Variants in RORB observed in about 807,000 individuals in gnomAD.
RORB encodes the protein RAR related orphan receptor B, also known as nuclear receptor ROR-beta.
A neutral mutation model predicts 59.1 loss-of-function variants in RORB; 6 were observed. The ratio of observed to expected loss-of-function variants is 0.10; its 90% CI spans 0.06 to 0.20. RORB has a LOEUF of 0.20. Ranked by LOEUF, RORB falls within the 10% of genes least tolerant of loss-of-function variation. The pLI is 1.00. For missense variants in RORB, 320 were observed against 560.5 expected (o/e 0.57, Z 4.33); for synonymous variants, 215 against 204.5 (o/e 1.05, Z -0.44).
chr9:74,539,741 G>A (rs1234470707), intron 1 of RORB, among the ~76,000 whole-genome samples: 1 of 152,058 alleles, frequency 6.6e-6, no homozygotes, highest in African/African-American at 2.4e-5. Context: ...AGGGGCCAGT[G>A]AGATGGGGCC....
intron 1 of RORB, among the ~76,000 whole-genome samples, chr9:74,622,967 C>T (rs1197992409): frequency 6.6e-6 from 1 of 152,180 alleles, no homozygotes; most frequent in Admixed American, 6.5e-5. Context: ...GAGAGGAATG[C>T]CATAAATATC....
intron 1 of RORB, among the ~76,000 whole-genome samples, chr9:74,547,632 G>C (rs538669045): frequency 6.6e-6 from 1 of 152,132 alleles, no homozygotes; most frequent in African/African-American, 2.4e-5. Flanking sequence ...AGCACCCCAA[G>C]CAAGAGGAAT....
intron 4 of RORB, among the ~76,000 whole-genome samples, chr9:74,646,618 G>C (rs1014464707): frequency 4.0e-5 from 6 of 151,430 alleles, no homozygotes; most frequent in African/African-American, 1.5e-4. Context: ...TCATTGTACA[G>C]ATAAAGAAAT....
intron 1 of RORB, among the ~76,000 whole-genome samples, chr9:74,554,372 C>G (rs980584657): frequency 6.6e-6 from 1 of 152,124 alleles, no homozygotes; most frequent in Non-Finnish European, 1.5e-5. Context: ...TCTGTGCCCT[C>G]CTATCCTACA....
intron 1 of RORB, among the ~76,000 whole-genome samples, chr9:74,628,646 A>G (rs1414477889): frequency 6.6e-6 from 1 of 152,242 alleles, no homozygotes; most frequent in Non-Finnish European, 1.5e-5. Context: ...AAAAGAGGGC[A>G]ATGTCTTGCA....
At chr9:74,544,384 G>T (rs1826457902) in intron 1 of RORB, among the ~76,000 whole-genome samples, 1 of 152,140 alleles carries the variant, frequency 6.6e-6, no homozygotes, top group Admixed American at 6.5e-5. Flanking sequence ...TACTGTAAAT[G>T]GTTAAAGCCA....
intron 3 of RORB, among the ~76,000 whole-genome samples, chr9:74,637,722 T>G (rs1823730248): frequency 6.6e-6 from 1 of 152,176 alleles, no homozygotes; most frequent in South Asian, 2.1e-4. Flanking sequence ...GAAGTTGCCC[T>G]AAAAGGACAG....
In RORB at chr9:74,627,985, T is replaced by C. The variant is rs142280027; in HGVS notation, c.8-2297T>C. On this transcript the variant is annotated intron_variant, in intron 1 of 9. Transcript: ENST00000376896. ...AATGAAGACTAACATTTCCTAGCTC[T>C]TCAGCATTTTACAAGGTGCTTCTAC... Among the ~76,000 whole-genome samples, 24 of 152,280 alleles carry C rather than the reference T, an allele frequency of 1.6e-4. No individual in the cohort carries two copies. The East Asian group carries it at 4.6e-3, about 29-fold the overall frequency.
intron 1 of RORB, among the ~76,000 whole-genome samples, chr9:74,502,208 T>C (rs1370412411): frequency 1.3e-5 from 2 of 152,128 alleles, no homozygotes; most frequent in African/African-American, 4.8e-5. Context: ...TTCCAAGCCA[T>C]GAAACCTAAT....
intron 1 of RORB, among the ~76,000 whole-genome samples, chr9:74,584,063 A>G (rs1013561606): frequency 6.6e-6 from 1 of 152,246 alleles, no homozygotes; most frequent in Non-Finnish European, 1.5e-5. Context: ...CTTGACAGCC[A>G]TAAACACTTT....
rs142280388 is a variant in RORB, at chr9:74,654,086, G to T, written c.638-6531G>T. 2.2e-3 allele frequency among the ~76,000 whole-genome samples: 340 copies of T among 152,190 alleles called. 1 individual carries two copies. Among genetic ancestry groups the T allele is most frequent in the African/African-American group, 7.8e-3 (322 of 41,516 alleles). ...TAACTGTGTGGATCAATATGTAAGA[G>T]AAGTTATTTTTCATATATTTCTTTA... is the stretch of plus-strand genomic sequence containing the variant. On this transcript the variant is annotated intron_variant, in intron 4 of 9. Coordinates refer to ENST00000376896, the MANE Select transcript of RORB (RefSeq NM_006914.4).
chr9:74,679,440 A>G (rs193115453), intron 9 of RORB, among the ~76,000 whole-genome samples: 15 of 152,308 alleles, frequency 9.8e-5, no homozygotes, highest in African/African-American at 3.6e-4. Flanking sequence ...CAGTAAATAT[A>G]CTTTAAACTA....
At chr9:74,611,147 C>T (rs1428109190) in intron 1 of RORB, among the ~76,000 whole-genome samples, 3 of 152,114 alleles carry the variant, frequency 2.0e-5, no homozygotes, top group East Asian at 3.9e-4. Context: ...ATAATAGCTG[C>T]TGCCTACTGT....
At chr9:74,579,523 A>G (rs1020095833) in intron 1 of RORB, among the ~76,000 whole-genome samples, 3 of 152,130 alleles carry the variant, frequency 2.0e-5, no homozygotes, top group Non-Finnish European at 4.4e-5. Context: ...TAAAAGCTAC[A>G]ATGTTGCAAT....
At chr9:74,617,492 G>A (rs1442810142) in intron 1 of RORB, among the ~76,000 whole-genome samples, 1 of 152,200 alleles carries the variant, frequency 6.6e-6, no homozygotes. Flanking sequence ...TAGGGATTAG[G>A]TGCAGCATGC....
chr9:74,600,181 G>C (rs933706182), intron 1 of RORB, among the ~76,000 whole-genome samples: 1 of 152,108 alleles, frequency 6.6e-6, no homozygotes, highest in African/African-American at 2.4e-5. Context: ...ATAAGCTCCA[G>C]ACTTGTAAAA....
intron 1 of RORB, among the ~76,000 whole-genome samples, chr9:74,547,636 G>C (rs1826521543): frequency 6.6e-6 from 1 of 152,168 alleles, no homozygotes; most frequent in African/African-American, 2.4e-5. Context: ...CCCCAAGCAA[G>C]AGGAATAGCC....
intron 1 of RORB, among the ~76,000 whole-genome samples, chr9:74,525,326 T>C (rs560906373): frequency 1.3e-5 from 2 of 152,056 alleles, no homozygotes; most frequent in South Asian, 4.1e-4. Flanking sequence ...CCATATAAAA[T>C]GCATTCTAAA....
intron 1 of RORB, among the ~76,000 whole-genome samples, chr9:74,573,917 T>G (rs980395696): frequency 2.6e-5 from 4 of 152,040 alleles, no homozygotes; most frequent in African/African-American, 9.7e-5. Flanking sequence ...GTATCAAAGC[T>G]GCAAGGGGAA....
Sources: gnomAD v4.1 joint callset for allele counts (sites outside exome capture counted in the v4.1 genomes callset) on GRCh38, gnomAD v4.1.1 for gene constraint, MANE v1.5 for transcripts, NCBI Gene and HGNC (gene_info 2026-07-23, HGNC 2026-07-21) for gene names.